ADAM22: variants seen among roughly 807,000 people sequenced by gnomAD.
The protein encoded by ADAM22 is ADAM metallopeptidase domain 22.
Under a neutral mutation model 144.6 loss-of-function variants are expected in ADAM22, and 65 were observed. The observed-to-expected ratio is 0.45, with a 90% confidence interval of 0.37 to 0.55. The LOEUF (loss-of-function observed/expected upper bound fraction) is 0.55, where lower values mean the gene tolerates loss of function less well. Among genes scored for constraint, ADAM22 ranks in the 20% least tolerant of loss-of-function variants. ADAM22 has a pLI of 0.00. For synonymous variants in ADAM22, 391 were observed against 412.6 expected, an observed-to-expected ratio of 0.95 and a Z score of 0.63; for missense variants, 974 against 1,184.9, an observed-to-expected ratio of 0.82 and a Z score of 2.61.
At position 88,130,445 on chromosome 7, in the gene ADAM22, A is replaced by G; in HGVS notation, c.811A>G (p.Asn271Asp). 2 of 1,613,168 alleles carry G rather than the reference A, an allele frequency of 1.2e-6. No individual in the cohort carries two copies. The highest frequency in any genetic ancestry group is 1.7e-6 in the Non-Finnish European group (2 of 1,179,314). ...HTNTYAKSVV[N>D]MADLIYKDQL... ...CAATACCTATGCGAAATCTGTGGTG[A>G]ACATGGCAGATTTAGTAAGTATCAA... The change falls in exon 10 of 32, where the codon AAC becomes GAC. Residue 271 changes from asparagine (N) to aspartate (D), a missense_variant. Physicochemically the swap from Asn to Asp is conservative, Grantham distance 23 (BLOSUM62 1). Coordinates refer to ENST00000413139, the MANE Select transcript of ADAM22 (RefSeq NM_001324418.2).
At chr7:88,130,318 G>A (rs1266939420) in intron 9 of ADAM22, 70 bp from the exon 10 acceptor site, 1 of 1,190,918 alleles carries the variant, frequency 8.4e-7, no homozygotes, top group Non-Finnish European at 1.2e-6. Flanking sequence ...ATTGCACCAT[G>A]TTTTCTCTGA....
chr7:87,982,329 A>G (rs1394249525), intron 3 of ADAM22, among the ~76,000 whole-genome samples: 1 of 151,854 alleles, frequency 6.6e-6, no homozygotes, highest in East Asian at 1.9e-4. Context: ...ACATTCGAGA[A>G]TTGGTTGTCC....
chr7:87,946,783 G>A (rs948751029), intron 2 of ADAM22, among the ~76,000 whole-genome samples: 2 of 152,148 alleles, frequency 1.3e-5, no homozygotes, highest in Non-Finnish European at 2.9e-5. Context: ...ATTCATAACA[G>A]CAAAGTCAGG....
intron 2 of ADAM22, among the ~76,000 whole-genome samples, chr7:87,968,746 C>T (rs908992416): frequency 6.6e-6 from 1 of 152,048 alleles, no homozygotes; most frequent in Admixed American, 6.6e-5. Flanking sequence ...AAAAGCTTCC[C>T]AAGTGTATTA....
chr7:87,964,106 C>T (rs920157253), intron 2 of ADAM22, among the ~76,000 whole-genome samples: 1 of 152,178 alleles, frequency 6.6e-6, no homozygotes, highest in Non-Finnish European at 1.5e-5. Context: ...CAGTGGTGAT[C>T]TATATCCTAT....
intron 3 of ADAM22, among the ~76,000 whole-genome samples, chr7:88,011,804 T>G (rs1165320631): frequency 6.6e-6 from 1 of 151,612 alleles, no homozygotes; most frequent in Non-Finnish European, 1.5e-5. Flanking sequence ...TTGCTGCAGT[T>G]TGAATGATAC....
At chr7:88,112,288 T>C (rs922704999) in intron 5 of ADAM22, among the ~76,000 whole-genome samples, 5 of 152,178 alleles carry the variant, frequency 3.3e-5, no homozygotes, top group Middle Eastern at 3.2e-3. Context: ...TCTGTGAGTA[T>C]ATAGAAGTTG....
chr7:87,991,668 A>C (rs1385005674), intron 3 of ADAM22, among the ~76,000 whole-genome samples: 1 of 152,206 alleles, frequency 6.6e-6, no homozygotes, highest in African/African-American at 2.4e-5. Flanking sequence ...GCCCGGCACT[A>C]GCCTTATTTT....
intron 3 of ADAM22, among the ~76,000 whole-genome samples, chr7:88,030,907 G>A (rs893812567): frequency 1.7e-4 from 26 of 152,116 alleles, no homozygotes; most frequent in African/African-American, 5.8e-4. Context: ...ACAAGGTCAG[G>A]AGATTGAGAC....
intron 29 of ADAM22, among the ~76,000 whole-genome samples, chr7:88,182,857 T>C (rs1434593824): frequency 6.6e-6 from 1 of 152,198 alleles, no homozygotes; most frequent in Non-Finnish European, 1.5e-5. Flanking sequence ...TTATCCTTCC[T>C]AAAATTTTTT....
At chr7:88,053,149 C>T (rs1265140671) in intron 3 of ADAM22, among the ~76,000 whole-genome samples, 1 of 151,996 alleles carries the variant, frequency 6.6e-6, no homozygotes, top group African/African-American at 2.4e-5. Flanking sequence ...TGTGAATATA[C>T]ACAGACACAC....
At chr7:88,010,245 G>T (rs954721355) in intron 3 of ADAM22, among the ~76,000 whole-genome samples, 15 of 152,110 alleles carry the variant, frequency 9.9e-5, no homozygotes, top group Non-Finnish European at 1.9e-4. Flanking sequence ...AATTTCAAAT[G>T]TGTCTGATAA....
chr7:88,069,101 C>A (rs897817075), intron 3 of ADAM22, among the ~76,000 whole-genome samples: 2 of 151,918 alleles, frequency 1.3e-5, no homozygotes, highest in African/African-American at 2.4e-5. Flanking sequence ...CTCTCCCCCT[C>A]TCTCTCTGGC....
intron 3 of ADAM22, among the ~76,000 whole-genome samples, chr7:87,985,588 G>C (rs761481553): frequency 1.3e-5 from 2 of 152,054 alleles, no homozygotes; most frequent in Non-Finnish European, 2.9e-5. Flanking sequence ...ATGTATTCTT[G>C]TATGTGGCTT....
intron 4 of ADAM22, among the ~76,000 whole-genome samples, chr7:88,079,356 G>T (rs1479269331): frequency 2.0e-5 from 3 of 152,112 alleles, no homozygotes; most frequent in South Asian, 2.1e-4. Context: ...GCACTAAACA[G>T]GGAAAGGAAC....
intron 18 of ADAM22, 78 bp from the exon 19 acceptor site, chr7:88,150,903 A>G: frequency 8.1e-7 from 1 of 1,234,008 alleles, no homozygotes; most frequent in Non-Finnish European, 1.2e-6. Flanking sequence ...ATGTTTTTAA[A>G]AGTGAAAACA....
chr7:88,074,317 G>C (rs1813619626), intron 3 of ADAM22, among the ~76,000 whole-genome samples: 1 of 152,110 alleles, frequency 6.6e-6, no homozygotes, highest in South Asian at 2.1e-4. Flanking sequence ...AGCCCTTTCT[G>C]TCAGTGTGTA....
intron 3 of ADAM22, among the ~76,000 whole-genome samples, chr7:88,004,442 A>G (rs374509328): frequency 5.3e-4 from 80 of 152,354 alleles, no homozygotes; most frequent in African/African-American, 1.9e-3. Flanking sequence ...ATAATAGAAC[A>G]CTACATTATA....
At chr7:88,000,256 C>T (rs1240668094) in intron 3 of ADAM22, among the ~76,000 whole-genome samples, 1 of 151,854 alleles carries the variant, frequency 6.6e-6, no homozygotes, top group Non-Finnish European at 1.5e-5. Context: ...CTGTTTTCTC[C>T]ATGTAGTAAA....
Sources: allele counts gnomAD v4.1 joint callset (sites outside exome capture counted in the v4.1 genomes callset), GRCh38; gene constraint gnomAD v4.1.1; transcripts MANE v1.5; gene names NCBI Gene and HGNC (gene_info 2026-07-23, HGNC 2026-07-21).